Variants in ATRX observed in about 807,000 individuals in gnomAD.
The protein encoded by ATRX is ATRX chromatin remodeler, also known as chromatin remodeler ATRX.
In ATRX, 12 loss-of-function variants were observed where a neutral mutation model predicts 172.6. That is an observed-to-expected ratio of 0.07 (90% CI 0.04 to 0.11). The LOEUF (loss-of-function observed/expected upper bound fraction) is 0.11, where lower values mean the gene tolerates loss of function less well. Ranked by LOEUF, ATRX falls within the 10% of genes least tolerant of loss-of-function variation. ATRX has a pLI of 1.00. For synonymous variants in ATRX, 674 were observed against 594.7 expected, an observed-to-expected ratio of 1.13 and a Z score of -1.94; for missense variants, 1,368 against 1,767.4, an observed-to-expected ratio of 0.77 and a Z score of 4.05.
At chrX:77,588,199 C>T (rs1204243612) in intron 27 of ATRX, among the ~76,000 whole-genome samples, 2 of 112,051 alleles carry the variant, frequency 1.8e-5, no homozygotes, top group African/African-American at 6.5e-5. Context: ...TTTCAACAAA[C>T]AGTCCTGGGA....
intron 1 of ATRX, among the ~76,000 whole-genome samples, chrX:77,780,836 G>A (rs1358697502): frequency 9.1e-6 from 1 of 110,190 alleles, no homozygotes; most frequent in Non-Finnish European, 1.9e-5. Flanking sequence ...AGCTACATGG[G>A]AGGCTGAAGC....
At chrX:77,765,168 AAAAACAAAC>A (rs1238014886) in intron 1 of ATRX, among the ~76,000 whole-genome samples, 1 of 111,823 alleles carries the variant, frequency 8.9e-6, no homozygotes, top group Non-Finnish European at 1.9e-5. Context: ...ACTCTGTCTC[AAAAACAAAC>A]AAAACAAACA....
chrX:77,641,491 G>C (rs2068653742), intron 15 of ATRX, among the ~76,000 whole-genome samples: 1 of 107,989 alleles, frequency 9.3e-6, no homozygotes. Flanking sequence ...TGAGGCAGGA[G>C]AATCGCTTGA....
chrX:77,671,599 A>C (rs1557130638), intron 10 of ATRX, among the ~76,000 whole-genome samples: 1 of 110,621 alleles, frequency 9.0e-6, no homozygotes, highest in Non-Finnish European at 1.9e-5. Context: ...TGATCATATT[A>C]AATAACTAGT....
intron 8 of ATRX, 67 bp from the exon 9 acceptor site, chrX:77,684,660 A>C (rs1414803474): frequency 9.2e-7 from 1 of 1,088,970 alleles, no homozygotes. Context: ...ATGTAAAAAA[A>C]TAAAAATAAA....
Position 77,786,023 on chromosome X carries a change from C to T in ATRX, c.-22G>A, listed in dbSNP as rs371364138. The T allele has an allele frequency of 1.7e-6, 2 of 1,190,150 alleles. No individual in the cohort carries two copies. Among genetic ancestry groups the T allele is most frequent in the Admixed American group, 2.3e-5 (1 of 43,094 alleles). ...TCATGTTTTCGCTTGAACGCCTTGT[C>T]GGCTTCTGTGATTGCTGGGCGCCGA... On this transcript the variant is annotated 5_prime_UTR_variant, in exon 1 of 35. Transcript: ENST00000373344.
chrX:77,585,732 G>A (rs955751473), intron 27 of ATRX, among the ~76,000 whole-genome samples: 6 of 108,567 alleles, frequency 5.5e-5, no homozygotes, highest in Admixed American at 5.0e-4. Flanking sequence ...GCCAAGACTT[G>A]GAGACAACCT....
At chrX:77,582,857 T>C (rs782309882) in intron 27 of ATRX, among the ~76,000 whole-genome samples, 143 of 111,705 alleles carry the variant, frequency 1.3e-3, no homozygotes, top group Non-Finnish European at 2.3e-3. Context: ...TAATAAAAAG[T>C]CACCCAGCAA....
chrX:77,670,141 G>A (rs2070476686), intron 10 of ATRX, among the ~76,000 whole-genome samples: 2 of 111,738 alleles, frequency 1.8e-5, no homozygotes, highest in South Asian at 7.3e-4. Context: ...GAAGAAAATT[G>A]CTGGAAAAAA....
chrX:77,616,375 C>T, intron 22 of ATRX: 2 of 998,044 alleles, frequency 2.0e-6, no homozygotes, highest in Non-Finnish European at 2.6e-6. Context: ...AAGCTCTTTA[C>T]AAATTAAGGG....
intron 3 of ATRX, 90 bp from the exon 4 acceptor site, chrX:77,697,725 G>C (rs1428447802): frequency 1.3e-6 from 1 of 743,974 alleles, no homozygotes; most frequent in Non-Finnish European, 2.0e-6. Context: ...CTTCAATACA[G>C]TGATATAATG....
Position 77,592,808 on chromosome X carries a change from G to A in ATRX, c.6110+888C>T, listed in dbSNP as rs188199209. 2.8e-4 allele frequency among the ~76,000 whole-genome samples: 30 copies of A among 106,338 alleles called. No homozygotes were observed. The East Asian group carries it at 7.7e-3, about 27-fold the overall frequency. 92.3% of individuals were successfully genotyped at this position (106,338 alleles called of 115,157 possible). A position where few individuals can be genotyped will look rare whatever the true frequency, so the allele number is the denominator to read the frequency against. ...GCCTGGGCAACAACAGCAAAACTCC[G>A]TCTCAAAAAAAAAAAAATAATGTTT... On this transcript the variant is annotated intron_variant, in intron 26 of 34. Coordinates refer to ENST00000373344, the MANE Select transcript of ATRX (RefSeq NM_000489.6).
At chrX:77,516,747 A>G (rs1221758057) in intron 34 of ATRX, among the ~76,000 whole-genome samples, 5 of 112,134 alleles carry the variant, frequency 4.5e-5, no homozygotes, top group Non-Finnish European at 1.9e-5. Context: ...AGATATTTAC[A>G]GGACATTTCA....
At chrX:77,769,281 GT>G (rs368296460) in intron 1 of ATRX, among the ~76,000 whole-genome samples, 86 of 98,993 alleles carry the variant, frequency 8.7e-4, no homozygotes, top group East Asian at 2.1e-3. Context: ...TTTTTTGTTT[GT>G]TTTTTTTTTT....
chrX:77,581,966 T>G (rs1430008557), intron 27 of ATRX, among the ~76,000 whole-genome samples: 1 of 111,776 alleles, frequency 8.9e-6, no homozygotes, highest in Non-Finnish European at 1.9e-5. Context: ...ATCAAAAATT[T>G]TCTTTAAAAA....
chrX:77,748,839 G>A lies in ATRX; in HGVS notation c.21-31596C>T, dbSNP rs781914982. Among the ~76,000 whole-genome samples, 9 of 110,904 alleles carry A rather than the reference G, an allele frequency of 8.1e-5. No homozygotes were observed. In the South Asian group the frequency reaches 1.9e-3, roughly 24 times the overall value. ...TGACCTCAGGTGATCCACCCACCTC[G>A]GCCTCCCAGAGTGCTAGGATTATAG... On this transcript the variant is annotated intron_variant, in intron 1 of 34. Coordinates refer to ENST00000373344, the MANE Select transcript of ATRX (RefSeq NM_000489.6).
At chrX:77,674,852 T>C (rs1333411688) in intron 10 of ATRX, 1 of 111,554 alleles carries the variant, frequency 9.0e-6, no homozygotes, top group Non-Finnish European at 1.9e-5. Flanking sequence ...ATAAATTGTA[T>C]GCCCTTATCA....
intron 27 of ATRX, among the ~76,000 whole-genome samples, chrX:77,582,558 A>C (rs140114504): frequency 0.018 from 2,048 of 111,256 alleles, 45 homozygotes; most frequent in African/African-American, 0.062. Flanking sequence ...GAAACAAAAA[A>C]CAGGTTTTTT....
At chrX:77,707,344 T>C (rs1044146944) in intron 2 of ATRX, among the ~76,000 whole-genome samples, 1 of 112,524 alleles carries the variant, frequency 8.9e-6, no homozygotes, top group African/African-American at 3.2e-5. Context: ...CATTTAAAAT[T>C]AGTTAAAATG....
Sources: gnomAD v4.1 joint callset for allele counts (sites outside exome capture counted in the v4.1 genomes callset) on GRCh38, gnomAD v4.1.1 for gene constraint, MANE v1.5 for transcripts, NCBI Gene and HGNC (gene_info 2026-07-23, HGNC 2026-07-21) for gene names.